PRPF8: variants seen among roughly 807,000 people sequenced by gnomAD.
PRPF8 encodes the protein pre-mRNA-processing-splicing factor 8.
PRPF8 carries 64 observed loss-of-function variants against 285.9 expected under a neutral mutation model. The observed-to-expected ratio is 0.22, with a 90% confidence interval of 0.18 to 0.28. The LOEUF (loss-of-function observed/expected upper bound fraction) is 0.28. Among genes scored for constraint, PRPF8 ranks in the 10% least tolerant of loss-of-function variants. The pLI, the probability that PRPF8 is intolerant of heterozygous loss-of-function variation, is 1.00. For synonymous variants in PRPF8, 1,325 were observed against 1,118.2 expected, an observed-to-expected ratio of 1.18 and a Z score of -3.69; for missense variants, 1,426 against 3,026.7, an observed-to-expected ratio of 0.47 and a Z score of 12.41.
rs1008016432 is a variant in PRPF8, at chr17:1,684,391, C to G, written c.100+81G>C. On this transcript the variant is annotated intron_variant, in intron 2 of 42. Transcript: ENST00000304992. The stretch of plus-strand genomic sequence containing the variant: ...GCTGACACCTCAGGAGCTGCCCAAA[C>G]GGGGAGGGTCCCCACCCGCCTGCGC... 2.1e-6 allele frequency: 3 copies of G among 1,419,854 alleles called. No homozygotes were observed. In the African/African-American group the frequency reaches 4.2e-5, roughly 20 times the overall value. 88.0% of individuals were successfully genotyped at this position (1,419,854 alleles called of 1,614,324 possible). A position where few individuals can be genotyped will look rare whatever the true frequency, so the allele number is the denominator to read the frequency against.
At chr17:1,682,391 C>T (rs1912976724) in intron 3 of PRPF8, 98 bp from the exon 4 acceptor site, 3 of 1,472,866 alleles carry the variant, frequency 2.0e-6, no homozygotes, top group Admixed American at 1.7e-5. Flanking sequence ...CACAGTCCTA[C>T]CTTACAATCC....
chr17:1,684,775 C>T lies in PRPF8; in HGVS notation c.-12+5G>A, dbSNP rs979309402. ...GCAGCCCGGCCTTAAACGCCTGCCA[C>T]GCACCCCACAGGCCCTCACACAAGA... On this transcript the variant is annotated splice_donor_5th_base_variant and intron_variant, in intron 1 of 42. Transcript: ENST00000304992. 3.2e-6 allele frequency: 2 copies of T among 628,226 alleles called. No homozygotes were observed. Among genetic ancestry groups the T allele is most frequent in the East Asian group, 5.5e-5 (2 of 36,650 alleles). The allele number at this position is 628,226 out of a possible 1,614,324, so 38.9% of individuals were successfully genotyped here.
rs896592476 is a variant in PRPF8 at position 1,679,050 on chromosome 17, G to A, written c.1566C>T (p.Phe522=). Residue 522 remains phenylalanine (F), a synonymous_variant, in exon 11 of 43, where the codon TTC becomes TTT. Coordinates refer to ENST00000304992, the MANE Select transcript of PRPF8 (RefSeq NM_006445.4). The surrounding 1 kb of genome is among the most constrained non-coding windows in gnomAD (Gnocchi z 4.7). ...TGAGCGTTTTCACAGGCTTGAGGTT[G>A]AAGTTGTAGTCCAGGTGCAGGTAGT... ...NLNYLHLDYN[F]NLKPVKTLTT... is the part of the protein sequence containing the mutation. 2 of 1,614,196 alleles carry A rather than the reference G, an allele frequency of 1.2e-6. No individual in the cohort carries two copies. Among genetic ancestry groups the A allele is most frequent in the Non-Finnish European group, 1.7e-6 (2 of 1,180,044 alleles).
chr17:1,667,134 C>T (rs956380760), intron 24 of PRPF8, among the ~76,000 whole-genome samples: 1 of 151,892 alleles, frequency 6.6e-6, no homozygotes, highest in Non-Finnish European at 1.5e-5. Flanking sequence ...AATTGTGCCA[C>T]TGCACTCCAG....
chr17:1,656,822 C>T, intron 34 of PRPF8, 61 bp from the exon 35 acceptor site: 1 of 1,364,276 alleles, frequency 7.3e-7, no homozygotes. Context: ...TCAACTAGAA[C>T]AGAATATCCT....
chr17:1,667,460 C>A (rs930183737), intron 24 of PRPF8, among the ~76,000 whole-genome samples: 4 of 151,342 alleles, frequency 2.6e-5, no homozygotes, highest in Non-Finnish European at 4.4e-5. Context: ...GTACTAGGTA[C>A]CATGGTAAGA....
intron 28 of PRPF8, 75 bp from the exon 29 acceptor site, chr17:1,660,902 G>A: frequency 1.9e-6 from 3 of 1,612,404 alleles, no homozygotes; most frequent in Non-Finnish European, 2.5e-6. Context: ...GGAGGTGGCT[G>A]TCTGGGAAAC....
Position 1,660,436 on chromosome 17 carries a change from CA to C in PRPF8, c.4780del (p.Cys1594ValfsTer29). 6.2e-7 allele frequency: 1 copy of C among 1,614,128 alleles called. No individual in the cohort carries two copies. The highest frequency in any genetic ancestry group is 8.5e-7 in the Non-Finnish European group (1 of 1,180,026). On this transcript the variant is annotated frameshift_variant, in exon 30 of 43. Transcript: ENST00000304992. LOFTEE classifies it high-confidence loss of function. ...CTCCCCTCGATTCCAGCCCACCTGA[CA>C]TAAGTCCATAACAATGCTCTCATGG... ...KIHESIVMDL[C>X]QVFDQELDAL...
chr17:1,675,163 T>C lies in PRPF8; in HGVS notation c.3049A>G (p.Ile1017Val). Reference protein sequence around the residue: ...DYMTAKNNVVINYKDMNHTNS... With the variant: ...DYMTAKNNVVVNYKDMNHTNS... Reference sequence around the variant, plus strand: ...CGCCTGAGACGCACCTTATAGTTGATGACGACGTTGTTCTTGGCTGTCATG... The same window carrying C: ...CGCCTGAGACGCACCTTATAGTTGACGACGACGTTGTTCTTGGCTGTCATG... The change falls in exon 20 of 43, where the codon ATC becomes GTC. Residue 1017 changes from isoleucine (I) to valine (V), a missense_variant. Around this residue, in one of 34 missense-constraint regions of PRPF8, gnomAD observed 32 missense variants for 89.2 expected, o/e 0.36. Coordinates refer to ENST00000304992, the MANE Select transcript of PRPF8 (RefSeq NM_006445.4). This position sits in a 1 kb window ranked among gnomAD's most constrained non-coding sequence, Gnocchi z 6.0. The C allele has an allele frequency of 6.2e-7, 1 of 1,613,726 alleles. No individual in the cohort carries two copies. Among genetic ancestry groups the C allele is most frequent in the Non-Finnish European group, 8.5e-7 (1 of 1,180,036 alleles).
chr17:1,680,634 C>T, intron 8 of PRPF8, 92 bp downstream of exon 8: 1 of 1,176,568 alleles, frequency 8.5e-7, no homozygotes, highest in Non-Finnish European at 1.3e-6. Context: ...ACGGAAAACA[C>T]ATCTCCCTCC....
intron 3 of PRPF8, 128 bp downstream of exon 3, chr17:1,683,405 C>T (rs1274096836): frequency 9.8e-7 from 1 of 1,019,156 alleles, no homozygotes; most frequent in Non-Finnish European, 1.5e-6. Context: ...ATCAGAGACT[C>T]CTACTGGTTT....
Position 1,682,292 on chromosome 17 carries a change from C to A in PRPF8, c.271G>T (p.Ala91Ser), listed in dbSNP as rs760143576. ...ACTGCGTGGGGCATGTACTTTAGGG[C>A]ACTGGCACATTAGAAAAAGAGAAGG... ...FRHDKRVYLGALKYMPHAVLK... is the reference protein window; with the variant it reads ...FRHDKRVYLGSLKYMPHAVLK... Residue 91 changes from alanine to serine, a missense_variant and splice_region_variant, in exon 4 of 43, where the codon GCC (alanine) becomes TCC (serine). This residue lies in a region of PRPF8 where 96 missense variants were observed against 188.3 expected (regional missense o/e 0.51). Coordinates refer to ENST00000304992, the MANE Select transcript of PRPF8 (RefSeq NM_006445.4). 3.7e-6 allele frequency: 6 copies of A among 1,613,928 alleles called. No homozygotes were observed. The African/African-American group carries it at 8.0e-5, about 22-fold the overall frequency.
Position 1,659,286 on chromosome 17 carries a change from A to C in PRPF8, c.5138+71T>G. 1.9e-6 allele frequency: 3 copies of C among 1,578,822 alleles called. No homozygotes were observed. The highest frequency in any genetic ancestry group is 1.1e-5 in the South Asian group (1 of 90,206). On this transcript the variant is annotated intron_variant, in intron 32 of 42. Transcript: ENST00000304992. The surrounding 1 kb of genome is among the most constrained non-coding windows in gnomAD (Gnocchi z 5.1). ...GACAATCTGCCCACCGCGGCCTCCC[A>C]AAGTGCTGGGATTACAGGTGTGAGC...
chr17:1,663,883 G>A (rs1911810283), intron 24 of PRPF8, among the ~76,000 whole-genome samples: 1 of 152,062 alleles, frequency 6.6e-6, no homozygotes, highest in African/African-American at 2.4e-5. Flanking sequence ...TTCAGACCAT[G>A]GAATGTTATC....
Position 1,673,280 on chromosome 17 carries a change from C to T in PRPF8, c.3657+77G>A. ...ACTGTGCCCACCACTCAAGTCTTTC[C>T]ACCCAACAAGACTCCGGTGACTGAC... On this transcript the variant is annotated intron_variant, in intron 23 of 42. Transcript: ENST00000304992. This position sits in a 1 kb window ranked among gnomAD's most constrained non-coding sequence, Gnocchi z 5.5. 1 of 1,603,114 alleles carries T rather than the reference C, an allele frequency of 6.2e-7. No individual in the cohort carries two copies. Among genetic ancestry groups the T allele is most frequent in the South Asian group, 1.1e-5 (1 of 90,854 alleles).
rs1178358975 is a variant in PRPF8 at position 1,681,466 on chromosome 17, T to G, written c.866+12A>C. The G allele has an allele frequency of 6.4e-7, 1 of 1,558,016 alleles. No homozygotes were observed. The highest frequency in any genetic ancestry group is 8.9e-7 in the Non-Finnish European group (1 of 1,128,894). On this transcript the variant is annotated intron_variant, in intron 6 of 42. Transcript: ENST00000304992. ...CTCAAAATGTCTAAAATCCCTAATC[T>G]CTCCAACTCACTGTAGGTTGATGTC...
At chr17:1,680,081 A>G (rs939180855) in intron 8 of PRPF8, among the ~76,000 whole-genome samples, 3 of 152,134 alleles carry the variant, frequency 2.0e-5, no homozygotes, top group East Asian at 3.8e-4. Context: ...CATTGCAATC[A>G]TCTCCCACCC....
At chr17:1,668,961 C>T (rs758315390) in intron 24 of PRPF8, among the ~76,000 whole-genome samples, 56 of 152,280 alleles carry the variant, frequency 3.7e-4, no homozygotes, top group African/African-American at 8.4e-4. Context: ...AGCTGAAAAA[C>T]TCAAAATCCT....
In PRPF8 at chr17:1,679,866, A is replaced by G; in HGVS notation, c.1099-67T>C. The G allele has an allele frequency of 6.4e-7, 1 of 1,570,526 alleles. No homozygotes were observed. The highest frequency in any genetic ancestry group is 8.8e-7 in the Non-Finnish European group (1 of 1,140,172). On this transcript the variant is annotated intron_variant, in intron 8 of 42. Transcript: ENST00000304992. This position sits in a 1 kb window ranked among gnomAD's most constrained non-coding sequence, Gnocchi z 4.7. ...TAGGCACAGACTTAAGATGAGGGAA[A>G]TTCTCTGGGGCCAAGCACAAAGCCT...
Sources: gnomAD v4.1 joint callset for allele counts (sites outside exome capture counted in the v4.1 genomes callset) on GRCh38, gnomAD v4.1.1 for gene constraint, gnomAD v4.1.1 regional missense constraint, Gnocchi (gnomAD v3.1) non-coding constraint, MANE v1.5 for transcripts, NCBI Gene and HGNC (gene_info 2026-07-23, HGNC 2026-07-21) for gene names.